TOR1A: variants seen among roughly 807,000 people sequenced by gnomAD.
TOR1A encodes torsin family 1 member A.
TOR1A carries 18 observed loss-of-function variants against 31.4 expected under a neutral mutation model. The observed-to-expected ratio is 0.57, with a 90% CI of 0.40 to 0.85. The LOEUF is 0.85. Among genes scored for constraint, TOR1A ranks in the 40% least tolerant of loss-of-function variants. TOR1A has a pLI of 0.00. For synonymous variants in TOR1A, 168 were observed against 165.9 expected (o/e 1.01, Z -0.10); for missense variants, 375 against 416.4 (o/e 0.90, Z 0.87).
At chr9:129,820,615 T>C (rs1044454212) in intron 2 of TOR1A, among the ~76,000 whole-genome samples, 2 of 152,118 alleles carry the variant, frequency 1.3e-5, no homozygotes, top group African/African-American at 4.8e-5. Flanking sequence ...TCTTGTTTGT[T>C]TGGGACAGGG....
rs574594267 is a variant in TOR1A at position 129,813,001 on chromosome 9, C to T, written c.*971G>A. 7.2e-5 allele frequency: 11 copies of T among 152,238 alleles called. No homozygotes were observed. The highest frequency in any genetic ancestry group is 1.3e-4 in the Non-Finnish European group (9 of 68,022). The allele number at this position is 152,238 out of a possible 1,614,324, so 9.4% of individuals were successfully genotyped here. On this transcript the variant is annotated 3_prime_UTR_variant, in exon 5 of 5. Transcript: ENST00000351698. ...CATTTGCATTTATAAAGAAAGACAC[C>T]GTTCTCAGCATCCTCAGAAGGGGCA...
At chr9:129,818,709 C>A in intron 3 of TOR1A, 36 bp downstream of exon 3, 1 of 1,613,882 alleles carries the variant, frequency 6.2e-7, no homozygotes, top group Non-Finnish European at 8.5e-7. Context: ...GGCTTGGGCT[C>A]GGGGCCCATC....
Position 129,823,934 on chromosome 9 carries a change from C to G in TOR1A, c.152G>C (p.Gly51Ala). 1 of 1,609,084 alleles carries G rather than the reference C, an allele frequency of 6.2e-7. No individual in the cohort carries two copies. Among genetic ancestry groups the G allele is most frequent in the Non-Finnish European group, 8.5e-7 (1 of 1,178,652 alleles). Residue 51 changes from glycine to alanine, a missense_variant, in exon 1 of 5, where the codon GGG becomes GCG. Coordinates refer to ENST00000351698, the MANE Select transcript of TOR1A (RefSeq NM_000113.3). Reference protein sequence around the residue: ...RLYCLFAECCGQKRSLSREAL... With the variant: ...RLYCLFAECCAQKRSLSREAL... ...CTCCCGGCTAAGGCTCCGCTTCTGC[C>G]CGCAGCACTCGGCGAAGAGGCAGTA...
At chr9:129,819,094 C>T (rs1018379600) in intron 2 of TOR1A, among the ~76,000 whole-genome samples, 174 bp from the exon 3 acceptor site, 6 of 152,178 alleles carry the variant, frequency 3.9e-5, no homozygotes, top group African/African-American at 9.7e-5. Context: ...TGGGCACTAT[C>T]GTTCTCATTT....
At chr9:129,822,326 C>T (rs1349802898) in intron 2 of TOR1A, 1 of 526,242 alleles carries the variant, frequency 1.9e-6, no homozygotes, top group Admixed American at 3.1e-5. Flanking sequence ...TGGATTTGAT[C>T]ATGTCCACCT....
At chr9:129,823,644 C>G (rs1301202832) in intron 1 of TOR1A, 1 of 380,810 alleles carries the variant, frequency 2.6e-6, no homozygotes, top group Non-Finnish European at 4.8e-6. Flanking sequence ...TGGTCTTAAC[C>G]CAGCCCTAGT....
intron 1 of TOR1A, 85 bp downstream of exon 1, chr9:129,823,823 C>T: frequency 6.8e-7 from 1 of 1,480,832 alleles, no homozygotes. Flanking sequence ...ATCCTCCATT[C>T]TCCATGCCCT....
Position 129,824,046 on chromosome 9 carries a change from CCAG to C in TOR1A, c.37_39del (p.Leu13del), listed in dbSNP as rs772003507. The C allele has an allele frequency of 1.9e-6, 3 of 1,604,496 alleles. No individual in the cohort carries two copies. Among genetic ancestry groups the C allele is most frequent in the Admixed American group, 1.7e-5 (1 of 59,380 alleles). On this transcript the variant is annotated inframe_deletion, in exon 1 of 5. Transcript: ENST00000351698. Reference sequence around the variant, plus strand: ...TCCACCGCCTGCACCACGGACGGCGCCAGCAGCAGCAGGCCCAGCACGGCCCGG... The same window carrying C: ...TCCACCGCCTGCACCACGGACGGCGCCAGCAGCAGGCCCAGCACGGCCCGG...
Position 129,813,804 on chromosome 9 carries a change from A to T in TOR1A, c.*168T>A. ...CGCCCGTGGTCCCTGGGTGGCCTGC[A>T]GGCACCAGGGGGTGGAAACAATGCC... On this transcript the variant is annotated 3_prime_UTR_variant, in exon 5 of 5. Coordinates refer to ENST00000351698, the MANE Select transcript of TOR1A (RefSeq NM_000113.3). 1 of 1,065,300 alleles carries T rather than the reference A, an allele frequency of 9.4e-7. No homozygotes were observed. 66.0% of individuals were successfully genotyped at this position (1,065,300 alleles called of 1,614,324 possible).
At chr9:129,815,245 A>G (rs528767715) in intron 4 of TOR1A, among the ~76,000 whole-genome samples, 83 of 152,358 alleles carry the variant, frequency 5.4e-4, no homozygotes, top group African/African-American at 1.9e-3. Flanking sequence ...CTGGTACTCA[A>G]TAAATGTGTG....
intron 4 of TOR1A, 138 bp downstream of exon 4, chr9:129,818,382 T>C: frequency 7.5e-7 from 1 of 1,337,670 alleles, no homozygotes; most frequent in African/African-American, 1.4e-5. Context: ...ATTCCCCTCA[T>C]GACTCGGAAG....
In TOR1A at chr9:129,813,629, TACC is replaced by T. The variant is rs1231598889; in HGVS notation, c.*340_*342del. ...TGTTAAAAATCATTTTAAATAAAGT[TACC>T]ACATTTTCAATAAAACTTATTCATC... On this transcript the variant is annotated 3_prime_UTR_variant, in exon 5 of 5. Coordinates refer to ENST00000351698, the MANE Select transcript of TOR1A (RefSeq NM_000113.3). 24 of 398,932 alleles carry T rather than the reference TACC, an allele frequency of 6.0e-5. No individual in the cohort carries two copies. Among genetic ancestry groups the T allele is most frequent in the South Asian group, 3.1e-4 (13 of 41,722 alleles). 24.7% of individuals were successfully genotyped at this position (398,932 alleles called of 1,614,324 possible).
At chr9:129,814,760 A>C (rs2030992408) in intron 4 of TOR1A, among the ~76,000 whole-genome samples, 2 of 150,152 alleles carry the variant, frequency 1.3e-5, no homozygotes, top group South Asian at 4.1e-4. Flanking sequence ...AGCGGGAAGC[A>C]AGAAGAATTC....
Position 129,813,771 on chromosome 9 carries a change from C to T in TOR1A, c.*201G>A, listed in dbSNP as rs1275657167. Reference sequence around the variant, plus strand: ...CCTTCTGTGCGTGTTCGGGAGGCTTCACGTCCTCGCCCGTGGTCCCTGGGT... The same window carrying T: ...CCTTCTGTGCGTGTTCGGGAGGCTTTACGTCCTCGCCCGTGGTCCCTGGGT... On this transcript the variant is annotated 3_prime_UTR_variant, in exon 5 of 5. Coordinates refer to ENST00000351698, the MANE Select transcript of TOR1A (RefSeq NM_000113.3). 5.6e-6 allele frequency: 4 copies of T among 718,636 alleles called. No homozygotes were observed. Among genetic ancestry groups the T allele is most frequent in the Non-Finnish European group, 9.4e-6 (4 of 424,436 alleles). 44.5% of individuals were successfully genotyped at this position (718,636 alleles called of 1,614,324 possible).
chr9:129,823,876 A>ACCCC, intron 1 of TOR1A, 32 bp downstream of exon 1: 14 of 871,678 alleles, frequency 1.6e-5, no homozygotes, highest in East Asian at 8.8e-5. Flanking sequence ...CCCCAGCCCC[A>ACCCC]GCCCCAGCCT....
In TOR1A at chr9:129,814,073, C is replaced by T. The variant is rs745483393; in HGVS notation, c.898G>A (p.Val300Met). 3 of 1,614,230 alleles carry T rather than the reference C, an allele frequency of 1.9e-6. No individual in the cohort carries two copies. The South Asian group carries it at 3.3e-5, about 18-fold the overall frequency. Reference protein sequence around the residue: ...YEIDEDIVSRVAEEMTFFPKE... With the variant: ...YEIDEDIVSRMAEEMTFFPKE... ...GGGAAAAATGTCATCTCCTCAGCCACTCTGCTTACAATGTCTTCATCAATT... is the reference window on the plus strand; with the variant it reads ...GGGAAAAATGTCATCTCCTCAGCCATTCTGCTTACAATGTCTTCATCAATT... The change falls in exon 5 of 5, where the codon GTG becomes ATG. Residue 300 changes from valine to methionine, a missense_variant. Physicochemically the swap from Val to Met is conservative, Grantham distance 21. Coordinates refer to ENST00000351698, the MANE Select transcript of TOR1A (RefSeq NM_000113.3).
chr9:129,813,876 C>A lies in TOR1A; in HGVS notation c.*96G>T, dbSNP rs1478098833. ...AAACAGGAACATTCACTGGATTCCT[C>A]TTCCAGGGAAAGGAGCTGGGGGTGG... On this transcript the variant is annotated 3_prime_UTR_variant, in exon 5 of 5. Coordinates refer to ENST00000351698, the MANE Select transcript of TOR1A (RefSeq NM_000113.3). The A allele has an allele frequency of 2.6e-6, 4 of 1,519,894 alleles. No homozygotes were observed. Among genetic ancestry groups the A allele is most frequent in the Non-Finnish European group, 3.6e-6 (4 of 1,106,300 alleles). The allele number at this position is 1,519,894 out of a possible 1,614,324, so 94.2% of individuals were successfully genotyped here. A position where few individuals can be genotyped will look rare whatever the true frequency, so the allele number is the denominator to read the frequency against.
At position 129,814,087 on chromosome 9, in the gene TOR1A, T is replaced by C. The variant is rs2030968965; in HGVS notation, c.884A>G (p.Asp295Gly). The change falls in exon 5 of 5, where the codon GAC (aspartate) becomes GGC (glycine). Residue 295 changes from aspartate to glycine, a missense_variant. Transcript: ENST00000351698. ...CTCCTCAGCCACTCTGCTTACAATG[T>C]CTTCATCAATTTCATAGCCTCGGGA... ...MQSRGYEIDE[D>G]IVSRVAEEMT... The C allele has an allele frequency of 3.7e-6, 6 of 1,614,042 alleles. No homozygotes were observed. The highest frequency in any genetic ancestry group is 1.3e-5 in the African/African-American group (1 of 74,894).
In TOR1A at chr9:129,823,964, C is replaced by A; in HGVS notation, c.122G>T (p.Arg41Leu). The change falls in exon 1 of 5, where the codon CGT (arginine) becomes CTT (leucine). Residue 41 changes from arginine to leucine, a missense_variant. Coordinates refer to ENST00000351698, the MANE Select transcript of TOR1A (RefSeq NM_000113.3). ...GCACTCGGCGAAGAGGCAGTAGAGA[C>A]GCGGGTAGATGTAGCCGGTGAGGAC... ...AGVLTGYIYPRLYCLFAECCG... is the reference protein window; with the variant it reads ...AGVLTGYIYPLLYCLFAECCG... The A allele has an allele frequency of 6.2e-7, 1 of 1,611,194 alleles. No individual in the cohort carries two copies. The highest frequency in any genetic ancestry group is 1.1e-5 in the South Asian group (1 of 90,968).
Sources: allele counts gnomAD v4.1 joint callset (sites outside exome capture counted in the v4.1 genomes callset), GRCh38; gene constraint gnomAD v4.1.1; transcripts MANE v1.5; gene names NCBI Gene and HGNC (gene_info 2026-07-23, HGNC 2026-07-21).